The following CLIC5 variants were observed in gnomAD, a reference collection of about 807,000 sequenced individuals.
CLIC5 encodes the protein chloride intracellular channel protein 5.
CLIC5 carries 20 observed loss-of-function variants against 24.7 expected under a neutral mutation model. The observed-to-expected ratio is 0.81, with a 90% CI of 0.57 to 1.18. The LOEUF is 1.18. Among genes scored for constraint, CLIC5 ranks in the 50% most tolerant of loss-of-function variants. CLIC5 has a pLI of 0.00. For missense variants in CLIC5, 341 were observed against 326.1 expected (o/e 1.05, Z -0.35); for synonymous variants, 159 against 135.6 (o/e 1.17, Z -1.20).
chr6:45,962,782 T>A (rs538289722), intron 1 of CLIC5, among the ~76,000 whole-genome samples: 1 of 152,294 alleles, frequency 6.6e-6, no homozygotes, highest in Non-Finnish European at 1.5e-5. Flanking sequence ...CAGGATCCAG[T>A]GGTGCCTTTG....
At chr6:46,061,729 A>G (rs1762289239) in intron 1 of CLIC5, among the ~76,000 whole-genome samples, 2 of 152,228 alleles carry the variant, frequency 1.3e-5, no homozygotes, top group Non-Finnish European at 2.9e-5. Flanking sequence ...GCTTTGCCTA[A>G]TAGTTATCAT....
chr6:46,126,630 A>G, the CLIC5 span, among the ~76,000 whole-genome samples: 1 of 152,354 alleles, frequency 6.6e-6, no homozygotes, highest in Non-Finnish European at 1.5e-5. Context: ...GCAATGATTC[A>G]TAAGGTCCTT....
chr6:45,957,890 A>C (rs973261744), intron 1 of CLIC5, among the ~76,000 whole-genome samples: 1 of 152,164 alleles, frequency 6.6e-6, no homozygotes, highest in Admixed American at 6.5e-5. Context: ...GGTGGGGCTC[A>C]GTTGGGCCCC....
the CLIC5 span, among the ~76,000 whole-genome samples, chr6:46,094,414 G>A: frequency 6.6e-6 from 1 of 152,180 alleles, no homozygotes; most frequent in Non-Finnish European, 1.5e-5. Context: ...CTATGAGCCT[G>A]TAAAATAAAA....
intron 1 of CLIC5, among the ~76,000 whole-genome samples, chr6:46,011,331 G>T (rs1326750027): frequency 6.6e-6 from 1 of 152,190 alleles, no homozygotes; most frequent in Non-Finnish European, 1.5e-5. Flanking sequence ...CATTAGCAAG[G>T]CCACCTATGT....
chr6:45,961,660 T>G (rs988557924), intron 1 of CLIC5, among the ~76,000 whole-genome samples: 8 of 152,234 alleles, frequency 5.3e-5, no homozygotes, highest in Non-Finnish European at 1.2e-4. Flanking sequence ...TATTTTTTTT[T>G]TAATACCAAA....
chr6:45,890,212 G>A (rs1437083121), intron 6 of CLIC5, among the ~76,000 whole-genome samples: 2 of 151,852 alleles, frequency 1.3e-5, no homozygotes, highest in African/African-American at 4.8e-5. Context: ...TGTTTCATTT[G>A]CTGTGCAGAA....
chr6:46,081,314 G>C (rs1762915610), upstream of CLIC5, among the ~76,000 whole-genome samples: 1 of 152,132 alleles, frequency 6.6e-6, no homozygotes, highest in Admixed American at 6.5e-5. Context: ...TCTCCTTGAA[G>C]TGACAACCCA....
chr6:45,955,142 G>A lies in CLIC5; in HGVS notation c.166C>T (p.Leu56=). 1 of 1,610,744 alleles carries A rather than the reference G, an allele frequency of 6.2e-7. No homozygotes were observed. Among genetic ancestry groups the A allele is most frequent in the Non-Finnish European group, 8.5e-7 (1 of 1,177,088 alleles). ...TTATGCAACGTACGTTACCTTTTCA[G>A]ATCCACAGTGGTGACATTGAACACG... The part of the protein sequence containing the change: ...GVVFNVTTVD[L]KRKPADLHNL... The change falls in exon 2 of 6, where the codon CTG becomes TTG. Residue 56 remains leucine (L), a synonymous_variant. Transcript: ENST00000339561.
At chr6:45,883,984 C>A (rs1416024889) in intron 6 of CLIC5, among the ~76,000 whole-genome samples, 1 of 152,168 alleles carries the variant, frequency 6.6e-6, no homozygotes, top group Non-Finnish European at 1.5e-5. Context: ...AGGTTGGGAC[C>A]AGACCATGAA....
chr6:45,921,945 A>C (rs1763279471), intron 4 of CLIC5, among the ~76,000 whole-genome samples: 2 of 152,172 alleles, frequency 1.3e-5, no homozygotes, highest in South Asian at 4.2e-4. Context: ...TGAACAACCC[A>C]GGGGCTCACA....
intron 1 of CLIC5, among the ~76,000 whole-genome samples, chr6:46,034,642 A>G (rs1411092348): frequency 6.6e-6 from 1 of 152,202 alleles, no homozygotes; most frequent in Non-Finnish European, 1.5e-5. Context: ...TGGTAGCTCA[A>G]GCTTTGGGCA....
At chr6:46,018,639 T>C (rs1466594311), upstream of CLIC5, 1 of 152,254 alleles carries the variant, frequency 6.6e-6, no homozygotes, top group Non-Finnish European at 1.5e-5. Flanking sequence ...ATTCTAGCTT[T>C]GTCTGGAGAA....
upstream of CLIC5, chr6:46,015,963 G>T (rs994684652): frequency 2.1e-6 from 2 of 932,302 alleles, no homozygotes; most frequent in Non-Finnish European, 2.6e-6. Context: ...GGCCTGGGCC[G>T]GGCCACGGCC....
chr6:46,068,857 G>A (rs1287094460), intron 1 of CLIC5, among the ~76,000 whole-genome samples: 2 of 152,138 alleles, frequency 1.3e-5, no homozygotes, highest in African/African-American at 4.8e-5. Context: ...CCTTGATCTT[G>A]CTCTTCTAGC....
chr6:45,928,164 T>A (rs1244376283), intron 4 of CLIC5, among the ~76,000 whole-genome samples: 1 of 152,164 alleles, frequency 6.6e-6, no homozygotes, highest in Non-Finnish European at 1.5e-5. Flanking sequence ...AGCAACTTTT[T>A]CCCAACAAAT....
intron 1 of CLIC5, among the ~76,000 whole-genome samples, chr6:45,956,496 A>T (rs1389352385): frequency 6.6e-6 from 1 of 151,788 alleles, no homozygotes; most frequent in East Asian, 1.9e-4. Context: ...TTTCAAAAGA[A>T]AGGGAGAAAA....
At position 45,981,111 on chromosome 6, in the gene CLIC5, C is replaced by T. The variant is rs572915224; in HGVS notation, c.64-25867G>A. Reference sequence around the variant, plus strand: ...TCAGCCTCCTGAGTAGCTGAAACTACAATATTTACCACCAGGTCTGGCTAA... The same window carrying T: ...TCAGCCTCCTGAGTAGCTGAAACTATAATATTTACCACCAGGTCTGGCTAA... On this transcript the variant is annotated intron_variant, in intron 1 of 5. Transcript: ENST00000339561. Among the ~76,000 whole-genome samples the T allele has an allele frequency of 2.2e-3, 327 of 152,062 alleles. 2 individuals carry two copies. Among genetic ancestry groups the T allele is most frequent in the African/African-American group, 7.7e-3 (319 of 41,488 alleles).
At chr6:46,099,684 C>T in the CLIC5 span, among the ~76,000 whole-genome samples, 1 of 152,118 alleles carries the variant, frequency 6.6e-6, no homozygotes, top group Non-Finnish European at 1.5e-5. Context: ...AAGTAGGAAT[C>T]TAGTTCTGTA....
Sources: gnomAD v4.1 joint callset for allele counts (sites outside exome capture counted in the v4.1 genomes callset) on GRCh38, gnomAD v4.1.1 for gene constraint, MANE v1.5 for transcripts, NCBI Gene and HGNC (gene_info 2026-07-23, HGNC 2026-07-21) for gene names.